The following AKAP1 variants were observed in gnomAD, a reference collection of about 807,000 sequenced individuals.
AKAP1 encodes A-kinase anchoring protein 1.
AKAP1 carries 32 observed loss-of-function variants against 79.8 expected under a neutral mutation model. The ratio of observed to expected loss-of-function variants is 0.40; its 90% CI spans 0.30 to 0.54. The LOEUF is 0.54. AKAP1 is among the 20% of genes least tolerant of loss of function. The pLI is 0.47. For synonymous variants in AKAP1, 416 were observed against 466.7 expected (o/e 0.89, Z 1.40); for missense variants, 961 against 1,138.9 (o/e 0.84, Z 2.25).
chr17:57,116,019 G>A, intron 6 of AKAP1, 92 bp from the exon 7 acceptor site: 1 of 1,470,676 alleles, frequency 6.8e-7, no homozygotes, highest in Non-Finnish European at 9.2e-7. Context: ...AGGCCTCTGA[G>A]AGGTAACGCA....
intron 6 of AKAP1, among the ~76,000 whole-genome samples, chr17:57,115,226 A>G (rs1050500444): frequency 1.3e-5 from 2 of 152,144 alleles, no homozygotes; most frequent in Admixed American, 6.5e-5. Flanking sequence ...TCAGAACATC[A>G]CCCATTCCTC....
In AKAP1 at chr17:57,106,052, A is replaced by T; in HGVS notation, c.588A>T (p.Ala196=). The part of the protein sequence containing the change: ...PAEKRSSGER[A]RETGGAEGTG... ...AGAAGCGTAGCTCTGGGGAGAGGGC[A>T]AGAGAGACAGGTGGGGCCGAAGGGA... Residue 196 remains alanine (A), a synonymous_variant, in exon 2 of 11, where the codon GCA becomes GCT. Transcript: ENST00000337714. 6.2e-7 allele frequency: 1 copy of T among 1,611,538 alleles called. No individual in the cohort carries two copies. The highest frequency in any genetic ancestry group is 8.5e-7 in the Non-Finnish European group (1 of 1,178,638).
chr17:57,100,953 C>T (rs531253907), intron 1 of AKAP1, among the ~76,000 whole-genome samples: 16 of 152,242 alleles, frequency 1.1e-4, no homozygotes, highest in Admixed American at 5.2e-4. Context: ...CACTTGAACC[C>T]GGGAGGCGGA....
chr17:57,111,872 C>T lies in AKAP1; in HGVS notation c.1923C>T (p.Ile641=), dbSNP rs886309848. ...TGAAGCAAACATCTGGTGCCAAGATCTACATTTCAACCCTGCCTTACACCC... is the reference window on the plus strand; with the variant it reads ...TGAAGCAAACATCTGGTGCCAAGATTTACATTTCAACCCTGCCTTACACCC... The part of the protein sequence containing the change: ...SFLKQTSGAK[I]YISTLPYTQS... Residue 641 remains isoleucine, a synonymous_variant, in exon 4 of 11, where the codon ATC becomes ATT. Coordinates refer to ENST00000337714, the MANE Select transcript of AKAP1 (RefSeq NM_003488.4). 5.0e-6 allele frequency: 8 copies of T among 1,614,014 alleles called. No individual in the cohort carries two copies. Among genetic ancestry groups the T allele is most frequent in the African/African-American group, 4.0e-5 (3 of 74,898 alleles).
chr17:57,110,870 C>A (rs1412483010), intron 3 of AKAP1, among the ~76,000 whole-genome samples: 3 of 152,176 alleles, frequency 2.0e-5, no homozygotes, highest in Non-Finnish European at 4.4e-5. Flanking sequence ...TTAGAACTTA[C>A]AACATATTAG....
rs375228181 is a variant in AKAP1 at position 57,097,804 on chromosome 17, C to T, written c.-24-7637C>T. Among the ~76,000 whole-genome samples, 9 of 152,320 alleles carry T rather than the reference C, an allele frequency of 5.9e-5. No individual in the cohort carries two copies. In the South Asian group the frequency reaches 1.4e-3, roughly 25 times the overall value. ...TTCCAGTGTAAATGTTCATTCAGAA[C>T]GCAAAGTGGATGTGGCTTCACTGAC... On this transcript the variant is annotated intron_variant, in intron 1 of 10. Coordinates refer to ENST00000337714, the MANE Select transcript of AKAP1 (RefSeq NM_003488.4).
chr17:57,104,045 AC>A (rs1228107589), intron 1 of AKAP1, among the ~76,000 whole-genome samples: 1 of 149,630 alleles, frequency 6.7e-6, no homozygotes, highest in African/African-American at 2.5e-5. Flanking sequence ...TGCAACCTCC[AC>A]CCCCCTGGAT....
chr17:57,107,308 A>G (rs1914958114), intron 2 of AKAP1, 130 bp downstream of exon 2: 1 of 1,319,972 alleles, frequency 7.6e-7, no homozygotes, highest in African/African-American at 1.5e-5. Context: ...CTTTATCGCA[A>G]CCTGCAGAGG....
chr17:57,118,571 T>G, intron 9 of AKAP1, 117 bp downstream of exon 9: 1 of 991,908 alleles, frequency 1.0e-6, no homozygotes, highest in East Asian at 2.5e-5. Context: ...TAAGGAAAGG[T>G]GCATGAAGTA....
In AKAP1 at chr17:57,112,486, T is replaced by C; in HGVS notation, c.1976-5T>C. ...TTGTATGTCCTGCCCCCATCCGCTA[T>C]TTAGGCTCTCAACATCATGTAGACA... On this transcript the variant is annotated splice_region_variant and splice_polypyrimidine_tract_variant and intron_variant, in intron 4 of 10. Coordinates refer to ENST00000337714, the MANE Select transcript of AKAP1 (RefSeq NM_003488.4). The C allele has an allele frequency of 6.2e-7, 1 of 1,613,340 alleles. No homozygotes were observed. Among genetic ancestry groups the C allele is most frequent in the Non-Finnish European group, 8.5e-7 (1 of 1,179,674 alleles).
In AKAP1 at chr17:57,086,142, TG is replaced by T. The variant is rs1032764856; in HGVS notation, c.-25+746del. 6.2e-5 allele frequency: 19 copies of T among 306,254 alleles called. No homozygotes were observed. The highest frequency in any genetic ancestry group is 1.0e-4 in the Non-Finnish European group (16 of 156,348). 19.0% of individuals were successfully genotyped at this position (306,254 alleles called of 1,614,324 possible). On this transcript the variant is annotated intron_variant, in intron 1 of 10. Transcript: ENST00000337714. This position sits in a 1 kb window ranked among gnomAD's most constrained non-coding sequence, Gnocchi z 5.1. ...GCCCCTGCAGGCGTGTCCGGAGGGG[TG>T]GAGGCCGTCCAGCCTGGGGTGTCTG...
chr17:57,112,719 CAT>C, intron 5 of AKAP1, 101 bp downstream of exon 5: 1 of 1,465,370 alleles, frequency 6.8e-7, no homozygotes, highest in Non-Finnish European at 9.2e-7. Flanking sequence ...GCCAAGTGCA[CAT>C]GAGTGCCTGC....
chr17:57,112,828 G>A (rs528140366), intron 5 of AKAP1, among the ~76,000 whole-genome samples: 1 of 151,988 alleles, frequency 6.6e-6, no homozygotes, highest in East Asian at 1.9e-4. Context: ...GAAACCAGAG[G>A]CCTCTTGGTC....
At chr17:57,111,168 G>A (rs56009880) in intron 3 of AKAP1, among the ~76,000 whole-genome samples, 23 of 152,194 alleles carry the variant, frequency 1.5e-4, no homozygotes, top group African/African-American at 4.1e-4. Context: ...GGTCGTTGGC[G>A]GTTGTGTGGG....
intron 2 of AKAP1, chr17:57,107,920 G>A: frequency 7.8e-7 from 1 of 1,281,434 alleles, no homozygotes; most frequent in Non-Finnish European, 1.0e-6. Context: ...TTTGCAGAAA[G>A]CCTCAGCCAT....
chr17:57,092,184 A>C (rs1913825702), intron 1 of AKAP1: 1 of 152,192 alleles, frequency 6.6e-6, no homozygotes, highest in Admixed American at 6.5e-5. Flanking sequence ...CAGAAGCTGA[A>C]GAGGGATGAA....
At chr17:57,096,045 C>T (rs929054591) in intron 1 of AKAP1, 1 of 152,234 alleles carries the variant, frequency 6.6e-6, no homozygotes, top group Non-Finnish European at 1.5e-5. Flanking sequence ...GTAGGAGGTG[C>T]TGATGATTTT....
chr17:57,115,117 C>G (rs890837902), intron 6 of AKAP1, among the ~76,000 whole-genome samples: 1 of 152,146 alleles, frequency 6.6e-6, no homozygotes, highest in Non-Finnish European at 1.5e-5. Context: ...GATGAGAAAA[C>G]TGGGCCTCAG....
chr17:57,103,862 A>C (rs1476193355), intron 1 of AKAP1, among the ~76,000 whole-genome samples: 1 of 152,190 alleles, frequency 6.6e-6, no homozygotes, highest in Admixed American at 6.5e-5. Flanking sequence ...ATGTGTCCCC[A>C]TCTTACAGAT....
Sources: gnomAD v4.1 joint callset for allele counts (sites outside exome capture counted in the v4.1 genomes callset) on GRCh38, gnomAD v4.1.1 for gene constraint, Gnocchi (gnomAD v3.1) non-coding constraint, MANE v1.5 for transcripts, NCBI Gene and HGNC (gene_info 2026-07-23, HGNC 2026-07-21) for gene names.